STK4: variants seen among roughly 807,000 people sequenced by gnomAD.
STK4 encodes the protein serine/threonine-protein kinase 4.
A neutral mutation model predicts 64.9 loss-of-function variants in STK4; 30 were observed. The ratio of observed to expected loss-of-function variants is 0.46; its 90% CI spans 0.35 to 0.63. The LOEUF is 0.63. Among genes scored for constraint, STK4 ranks in the 20% least tolerant of loss-of-function variants. The pLI is 0.01. For missense variants in STK4, 466 were observed against 598.5 expected, an observed-to-expected ratio of 0.78 and a Z score of 2.31; for synonymous variants, 177 against 199.0, an observed-to-expected ratio of 0.89 and a Z score of 0.93.
At chr20:44,968,388 T>TG (rs1347930218) in intron 1 of STK4, among the ~76,000 whole-genome samples, 1 of 152,190 alleles carries the variant, frequency 6.6e-6, no homozygotes, top group East Asian at 1.9e-4. Flanking sequence ...CCGCCCACCT[T>TG]GGCTTCTCAA....
At chr20:45,073,951 G>A (rs1476267513) in intron 10 of STK4, among the ~76,000 whole-genome samples, 1 of 152,232 alleles carries the variant, frequency 6.6e-6, no homozygotes, top group Non-Finnish European at 1.5e-5. Flanking sequence ...GATGGGGAAG[G>A]CCTGGAGAGA....
chr20:44,974,807 G>A (rs1185384575), intron 2 of STK4: 2 of 152,140 alleles, frequency 1.3e-5, no homozygotes, highest in African/African-American at 4.8e-5. Context: ...TGAATGGTTT[G>A]TGAACTCTCA....
chr20:45,003,750 C>T (rs919480434), intron 9 of STK4, among the ~76,000 whole-genome samples: 1 of 145,132 alleles, frequency 6.9e-6, no homozygotes, highest in Admixed American at 7.0e-5. Flanking sequence ...GAGTCTCACT[C>T]TGTCGCCCAG....
At chr20:45,044,381 C>A (rs1248713720) in intron 10 of STK4, among the ~76,000 whole-genome samples, 3 of 152,172 alleles carry the variant, frequency 2.0e-5, no homozygotes, top group Non-Finnish European at 2.9e-5. Flanking sequence ...ACCAGTGGCT[C>A]ATGCCTATAA....
chr20:45,019,879 C>T (rs1344189988), intron 9 of STK4, among the ~76,000 whole-genome samples: 4 of 152,184 alleles, frequency 2.6e-5, no homozygotes, highest in South Asian at 2.1e-4. Context: ...CACTTTTCAA[C>T]CTGACAAGCT....
chr20:45,022,826 C>G (rs2068271866), intron 9 of STK4, among the ~76,000 whole-genome samples: 1 of 152,074 alleles, frequency 6.6e-6, no homozygotes, highest in Non-Finnish European at 1.5e-5. Flanking sequence ...CAGAAGTCGC[C>G]ATTTTTATTG....
chr20:45,055,663 C>T (rs1978405918), intron 10 of STK4, among the ~76,000 whole-genome samples: 1 of 151,820 alleles, frequency 6.6e-6, no homozygotes, highest in African/African-American at 2.4e-5. Flanking sequence ...CTCTTTTCTT[C>T]ACTTGGACAA....
At chr20:45,009,766 T>G (rs2068012657) in intron 9 of STK4, among the ~76,000 whole-genome samples, 1 of 152,196 alleles carries the variant, frequency 6.6e-6, no homozygotes, top group South Asian at 2.1e-4. Flanking sequence ...ACCTGTATTC[T>G]TAGATATTTC....
At chr20:45,074,872 C>G (rs1265774442) in intron 10 of STK4, 146 bp from the exon 11 acceptor site, 1 of 886,156 alleles carries the variant, frequency 1.1e-6, no homozygotes, top group African/African-American at 1.7e-5. Flanking sequence ...TGTCACTTTC[C>G]AACCACCACC....
At position 44,983,259 on chromosome 20, in the gene STK4, A is replaced by G. The variant is rs1010958129; in HGVS notation, c.360+1316A>G. Among the ~76,000 whole-genome samples the G allele has an allele frequency of 5.3e-5, 8 of 152,314 alleles. No homozygotes were observed. In the East Asian group the frequency reaches 1.5e-3, roughly 29 times the overall value. On this transcript the variant is annotated intron_variant, in intron 4 of 10. Transcript: ENST00000372806. ...TTTATCCCAGGTATTATAGGAAACC[A>G]TTGCTGGATTCTAAGCAAGTGAGCG...
intron 10 of STK4, among the ~76,000 whole-genome samples, chr20:45,062,983 C>T (rs6031965): frequency 0.025 from 2,035 of 82,588 alleles, 74 homozygotes; most frequent in African/African-American, 0.077. Context: ...AGCCACCGCA[C>T]CCGGCCTTTT....
At chr20:44,987,344 G>A (rs1568692443) in intron 5 of STK4, 48 bp downstream of exon 5, 4 of 1,531,124 alleles carry the variant, frequency 2.6e-6, no homozygotes, top group African/African-American at 2.8e-5. Flanking sequence ...TCTGTCCTGA[G>A]AAGCAGTTCC....
At chr20:45,015,374 G>C (rs773633765) in intron 9 of STK4, among the ~76,000 whole-genome samples, 17 of 152,262 alleles carry the variant, frequency 1.1e-4, no homozygotes, top group Non-Finnish European at 2.5e-4. Context: ...TCAGATTATG[G>C]CATTTGCAAG....
chr20:45,000,819 T>C (rs1359559335), intron 8 of STK4, among the ~76,000 whole-genome samples: 1 of 152,218 alleles, frequency 6.6e-6, no homozygotes, highest in Admixed American at 6.5e-5. Context: ...CATATCCTTT[T>C]GGGGAATCTG....
chr20:45,000,750 T>G (rs1205637033), intron 8 of STK4, among the ~76,000 whole-genome samples: 1 of 152,234 alleles, frequency 6.6e-6, no homozygotes. Context: ...TGCCCCTCTT[T>G]TACTCAATTT....
chr20:45,025,240 C>T (rs1000254637), intron 10 of STK4, 110 bp downstream of exon 10: 161 of 1,271,394 alleles, frequency 1.3e-4, no homozygotes, highest in Non-Finnish European at 1.6e-4. Flanking sequence ...TAAACCATCC[C>T]TGACAGTGTC....
intron 10 of STK4, among the ~76,000 whole-genome samples, chr20:45,046,634 A>G (rs2145429363): frequency 6.7e-6 from 1 of 149,788 alleles, no homozygotes; most frequent in African/African-American, 2.4e-5. Context: ...TTGTCTAATC[A>G]GTATGGGCTT....
intron 5 of STK4, among the ~76,000 whole-genome samples, chr20:44,993,253 T>TAC (rs11472178): frequency 0.42 from 63,002 of 151,036 alleles, 13,889 homozygotes; most frequent in Middle Eastern, 0.54. Context: ...GATATATATG[T>TAC]ACACACACAC....
chr20:45,060,561 G>C (rs745950174), intron 10 of STK4, among the ~76,000 whole-genome samples: 3 of 152,038 alleles, frequency 2.0e-5, no homozygotes, highest in African/African-American at 7.2e-5. Flanking sequence ...AGTCAGACAC[G>C]CTAAGGTTCC....
Sources: allele counts gnomAD v4.1 joint callset (sites outside exome capture counted in the v4.1 genomes callset), GRCh38; gene constraint gnomAD v4.1.1; transcripts MANE v1.5; gene names NCBI Gene and HGNC (gene_info 2026-07-23, HGNC 2026-07-21).